RBMS1: variants seen among roughly 807,000 people sequenced by gnomAD.
RBMS1 encodes RNA-binding motif, single-stranded-interacting protein 1.
In RBMS1, 17 loss-of-function variants were observed where a neutral mutation model predicts 62.3. The observed-to-expected ratio is 0.27, with a 90% CI of 0.19 to 0.41. The LOEUF (loss-of-function observed/expected upper bound fraction) is 0.41, where lower values mean the gene tolerates loss of function less well. RBMS1 is among the 10% of genes least tolerant of loss of function. The pLI is 1.00. For synonymous variants in RBMS1, 172 were observed against 170.0 expected, an observed-to-expected ratio of 1.01 and a Z score of -0.09; for missense variants, 334 against 504.5, an observed-to-expected ratio of 0.66 and a Z score of 3.24.
chr2:160,361,782 A>C (rs1188763995), intron 2 of RBMS1, among the ~76,000 whole-genome samples: 2 of 152,206 alleles, frequency 1.3e-5, no homozygotes, highest in African/African-American at 4.8e-5. Context: ...CATGCTTGAG[A>C]ATAGCCACTG....
At chr2:160,445,311 G>C (rs1157923009) in intron 1 of RBMS1, among the ~76,000 whole-genome samples, 3 of 152,154 alleles carry the variant, frequency 2.0e-5, no homozygotes, top group Admixed American at 6.5e-5. Flanking sequence ...CAATATAAAT[G>C]TAAAAGTTTC....
At chr2:160,422,633 C>T (rs1696479320) in intron 1 of RBMS1, among the ~76,000 whole-genome samples, 2 of 152,052 alleles carry the variant, frequency 1.3e-5, no homozygotes, top group East Asian at 3.9e-4. Context: ...CTCACAGCTC[C>T]CCCCGCCCCA....
intron 1 of RBMS1, among the ~76,000 whole-genome samples, chr2:160,424,765 A>T (rs1168807136): frequency 2.6e-5 from 4 of 152,214 alleles, no homozygotes; most frequent in Non-Finnish European, 5.9e-5. Context: ...CAGAATGTTT[A>T]TAACCTTTCA....
At chr2:160,357,483 G>C (rs1195517272) in intron 2 of RBMS1, among the ~76,000 whole-genome samples, 1 of 152,100 alleles carries the variant, frequency 6.6e-6, no homozygotes, top group Non-Finnish European at 1.5e-5. Flanking sequence ...TTAGAAAATA[G>C]ACATAACTGA....
chr2:160,315,302 T>C lies in RBMS1; in HGVS notation c.311-2055A>G, dbSNP rs138161137. Among the ~76,000 whole-genome samples, 153 of 152,330 alleles carry C rather than the reference T, an allele frequency of 1.0e-3. 1 individual carries two copies. The highest frequency in any genetic ancestry group is 1.1e-3 in the Non-Finnish European group (77 of 68,022). ...TGCTCTTTCATGCTGTCTATCTGTA[T>C]TACTTTCAAGTAAATAGAAGACAAT... On this transcript the variant is annotated intron_variant, in intron 3 of 13. Transcript: ENST00000348849.
chr2:160,295,377 C>A (rs1320860120), intron 6 of RBMS1, among the ~76,000 whole-genome samples: 3 of 152,190 alleles, frequency 2.0e-5, no homozygotes, highest in Non-Finnish European at 4.4e-5. Context: ...AAAGAACATG[C>A]AATCTAATTG....
rs144447798 is a variant in RBMS1 at position 160,294,237 on chromosome 2, A to G, written c.640+6414T>C. Among the ~76,000 whole-genome samples the G allele has an allele frequency of 4.0e-4, 61 of 152,390 alleles. 1 individual carries two copies. The East Asian group carries it at 9.2e-3, about 23-fold the overall frequency. ...ATATACATTTAAAGAAACATCTGCT[A>G]TAAGAAAAGATAAAGCCTCTTTTAA... is the stretch of plus-strand genomic sequence containing the variant. On this transcript the variant is annotated intron_variant, in intron 6 of 13. Coordinates refer to ENST00000348849, the MANE Select transcript of RBMS1 (RefSeq NM_016836.4).
intron 1 of RBMS1, among the ~76,000 whole-genome samples, chr2:160,489,272 C>A (rs547478340): frequency 6.6e-6 from 1 of 152,214 alleles, no homozygotes; most frequent in Non-Finnish European, 1.5e-5. Flanking sequence ...TAATACCCCA[C>A]TCACTTAAGG....
chr2:160,479,999 G>C (rs1685301658), intron 1 of RBMS1, among the ~76,000 whole-genome samples: 1 of 151,950 alleles, frequency 6.6e-6, no homozygotes, highest in African/African-American at 2.4e-5. Flanking sequence ...ATATATATAA[G>C]ATTTTTGAAA....
At chr2:160,354,955 C>T (rs981427416) in intron 2 of RBMS1, among the ~76,000 whole-genome samples, 1 of 152,086 alleles carries the variant, frequency 6.6e-6, no homozygotes, top group African/African-American at 2.4e-5. Context: ...CTAGATACAC[C>T]ATTTATGGAA....
intron 10 of RBMS1, among the ~76,000 whole-genome samples, chr2:160,280,999 C>T (rs1042320147): frequency 2.0e-5 from 3 of 151,966 alleles, no homozygotes; most frequent in African/African-American, 7.3e-5. Context: ...AAAATGAGAG[C>T]GGTTTTATCC....
chr2:160,487,631 G>A (rs1365461116), intron 1 of RBMS1, among the ~76,000 whole-genome samples: 2 of 152,122 alleles, frequency 1.3e-5, no homozygotes, highest in Non-Finnish European at 2.9e-5. Flanking sequence ...GTGAATGTAG[G>A]AAATCACCCA....
chr2:160,490,433 A>G lies in RBMS1; in HGVS notation c.75+2856T>C, dbSNP rs1266943855. ...TTCCACTCATGTCCTGCTCTTCCAT[A>G]GTACACTCAAGTTTATTTTACATTT... On this transcript the variant is annotated intron_variant, in intron 1 of 13. Coordinates refer to ENST00000348849, the MANE Select transcript of RBMS1 (RefSeq NM_016836.4). Among the ~76,000 whole-genome samples the G allele has an allele frequency of 2.0e-5, 3 of 152,218 alleles. No individual in the cohort carries two copies. The East Asian group carries it at 5.8e-4, about 29-fold the overall frequency.
chr2:160,370,786 T>C (rs1185589011), intron 1 of RBMS1, among the ~76,000 whole-genome samples: 1 of 152,242 alleles, frequency 6.6e-6, no homozygotes, highest in Non-Finnish European at 1.5e-5. Flanking sequence ...AATTACCAAA[T>C]TCCAGCTTCT....
At chr2:160,489,157 A>G (rs1165165517) in intron 1 of RBMS1, among the ~76,000 whole-genome samples, 1 of 152,238 alleles carries the variant, frequency 6.6e-6, no homozygotes, top group African/African-American at 2.4e-5. Flanking sequence ...CAAAAGAAAT[A>G]GCTGTTGGAA....
chr2:160,300,703 A>G lies in RBMS1; in HGVS notation c.588T>C (p.Ala196=), dbSNP rs535279847. ...ATTTTCCATTAAAATGACCAATAAC[A>G]GCTTCACATTTTTCTGTTGATTCCA... The part of the protein sequence containing the change: ...ARMESTEKCE[A]VIGHFNGKFI... The change falls in exon 6 of 14, where the codon GCT becomes GCC. Residue 196 remains alanine, a synonymous_variant. Coordinates refer to ENST00000348849, the MANE Select transcript of RBMS1 (RefSeq NM_016836.4). 1 of 1,601,494 alleles carries G rather than the reference A, an allele frequency of 6.2e-7. No homozygotes were observed. The highest frequency in any genetic ancestry group is 1.1e-5 in the South Asian group (1 of 87,474).
At chr2:160,341,197 T>A (rs1348579977) in intron 2 of RBMS1, among the ~76,000 whole-genome samples, 1 of 152,156 alleles carries the variant, frequency 6.6e-6, no homozygotes, top group Non-Finnish European at 1.5e-5. Flanking sequence ...TTCATGTCAT[T>A]AAATATTCCT....
intron 1 of RBMS1, among the ~76,000 whole-genome samples, chr2:160,468,773 C>G (rs1684799872): frequency 6.6e-6 from 1 of 152,164 alleles, no homozygotes; most frequent in Non-Finnish European, 1.5e-5. Flanking sequence ...ATTAATTCAA[C>G]TTTGAAAAGT....
At chr2:160,490,319 CA>C (rs1685769491) in intron 1 of RBMS1, among the ~76,000 whole-genome samples, 1 of 141,386 alleles carries the variant, frequency 7.1e-6, no homozygotes, top group Non-Finnish European at 1.6e-5. Flanking sequence ...AAAAAAAAAA[CA>C]AAAAACCAAC....
Sources: gnomAD v4.1 joint callset for allele counts (sites outside exome capture counted in the v4.1 genomes callset) on GRCh38, gnomAD v4.1.1 for gene constraint, MANE v1.5 for transcripts, NCBI Gene and HGNC (gene_info 2026-07-23, HGNC 2026-07-21) for gene names.